Variants in PCDHAC2 observed in about 807,000 individuals in gnomAD.
PCDHAC2 encodes the protein protocadherin alpha-C2.
A neutral mutation model predicts 63.3 loss-of-function variants in PCDHAC2; 24 were observed. The ratio of observed to expected loss-of-function variants is 0.38; its 90% CI spans 0.27 to 0.53. PCDHAC2 has a LOEUF of 0.53. Ranked by LOEUF, PCDHAC2 falls within the 20% of genes least tolerant of loss-of-function variation. The pLI, the probability that PCDHAC2 is intolerant of heterozygous loss-of-function variation, is 0.81. For missense variants in PCDHAC2, 1,181 were observed against 1,275.2 expected (o/e 0.93, Z 1.12); for synonymous variants, 569 against 529.4 (o/e 1.07, Z -1.03).
At chr5:140,978,839 CT>C in intron 1 of PCDHAC2, 109 bp from the exon 2 acceptor site, 3 of 1,556,998 alleles carry the variant, frequency 1.9e-6, no homozygotes, top group Non-Finnish European at 2.6e-6. Context: ...TCATTCAATA[CT>C]TTTTTAGATG....
chr5:140,972,661 T>C, intron 1 of PCDHAC2, among the ~76,000 whole-genome samples: 1 of 48,668 alleles, frequency 2.1e-5, no homozygotes, highest in South Asian at 6.9e-4. Flanking sequence ...AGAAACCAAA[T>C]TTTTTTTTTT....
intron 3 of PCDHAC2, among the ~76,000 whole-genome samples, chr5:140,997,131 C>G (rs577407385): frequency 6.6e-6 from 1 of 152,008 alleles, no homozygotes; most frequent in Admixed American, 6.6e-5. Flanking sequence ...ACACAATGCC[C>G]CCACACCCCC....
chr5:140,966,742 G>T lies in PCDHAC2; in HGVS notation c.-25G>T. ...AAGCTGCCGCCTCCGGCCCTGCCCG[G>T]CTGCCTCCGCCGCGGCCAGTGGCTA... On this transcript the variant is annotated 5_prime_UTR_variant, in exon 1 of 4. Coordinates refer to ENST00000289269, the MANE Select transcript of PCDHAC2 (RefSeq NM_018899.6). 7.0e-7 allele frequency: 1 copy of T among 1,422,480 alleles called. No individual in the cohort carries two copies. Among genetic ancestry groups the T allele is most frequent in the African/African-American group, 1.5e-5 (1 of 67,432 alleles). 88.1% of individuals were successfully genotyped at this position (1,422,480 alleles called of 1,614,324 possible). A position where few individuals can be genotyped will look rare whatever the true frequency, so the allele number is the denominator to read the frequency against.
Position 141,012,283 on chromosome 5 carries a change from AT to A in PCDHAC2, c.*2350del, listed in dbSNP as rs1313163740. 6.5e-6 allele frequency: 1 copy of A among 153,798 alleles called. No homozygotes were observed. Among genetic ancestry groups the A allele is most frequent in the Non-Finnish European group, 1.5e-5 (1 of 68,046 alleles). The allele number at this position is 153,798 out of a possible 1,614,324, so 9.5% of individuals were successfully genotyped here. ...AGGATAAAACACGTCATGTGGATTC[AT>A]TTTGAATTGGTGCTATTGGTATTTC... On this transcript the variant is annotated 3_prime_UTR_variant, in exon 4 of 4. Coordinates refer to ENST00000289269, the MANE Select transcript of PCDHAC2 (RefSeq NM_018899.6).
rs147557274 is a variant in PCDHAC2, at chr5:140,967,369, G to A, written c.603G>A (p.Gln201=). Reference sequence around the variant, plus strand: ...TCGAGCTGGACCTTAAGCCCCTGCAGGAGAACAGTAAAGTGCTTGAGCTGG... The same window carrying A: ...TCGAGCTGGACCTTAAGCCCCTGCAAGAGAACAGTAAAGTGCTTGAGCTGG... ...EHFELDLKPL[Q]ENSKVLELVL... The change falls in exon 1 of 4, where the codon CAG becomes CAA. Residue 201 remains glutamine (Q), a synonymous_variant. Coordinates refer to ENST00000289269, the MANE Select transcript of PCDHAC2 (RefSeq NM_018899.6). 2.4e-5 allele frequency: 38 copies of A among 1,607,564 alleles called. No individual in the cohort carries two copies. The highest frequency in any genetic ancestry group is 2.9e-5 in the Non-Finnish European group (34 of 1,175,294).
chr5:140,998,423 T>C (rs1248330149), intron 3 of PCDHAC2, among the ~76,000 whole-genome samples: 1 of 152,248 alleles, frequency 6.6e-6, no homozygotes, highest in African/African-American at 2.4e-5. Context: ...ACCTGGTTTA[T>C]CCTTTAACAC....
At position 140,968,773 on chromosome 5, in the gene PCDHAC2, A is replaced by G. The variant is rs528972800; in HGVS notation, c.2007A>G (p.Ser669=). The G allele has an allele frequency of 4.3e-6, 7 of 1,614,206 alleles. No homozygotes were observed. The highest frequency in any genetic ancestry group is 5.1e-6 in the Non-Finnish European group (6 of 1,180,036). ...TGGTCCGAGATAATGGAGAGCCATCACTATCAGCCTCTGTGGCCATTACAG... is the reference window on the plus strand; with the variant it reads ...TGGTCCGAGATAATGGAGAGCCATCGCTATCAGCCTCTGTGGCCATTACAG... The part of the protein sequence containing the change: ...TVVVRDNGEP[S]LSASVAITVA... Residue 669 remains serine, a synonymous_variant, in exon 1 of 4, where the codon TCA becomes TCG. Coordinates refer to ENST00000289269, the MANE Select transcript of PCDHAC2 (RefSeq NM_018899.6).
In PCDHAC2 at chr5:140,967,085, C is replaced by T; in HGVS notation, c.319C>T (p.Arg107Trp). ...GALFVNERID[R>W]EALCEQRPRC... Reference sequence around the variant, plus strand: ...GCTCTTCGTCAACGAGCGCATTGATCGGGAGGCGCTGTGTGAGCAGCGGCC... The same window carrying T: ...GCTCTTCGTCAACGAGCGCATTGATTGGGAGGCGCTGTGTGAGCAGCGGCC... Residue 107 changes from arginine (R) to tryptophan (W), a missense_variant, in exon 1 of 4, where the codon CGG becomes TGG. Transcript: ENST00000289269. 1 of 1,613,198 alleles carries T rather than the reference C, an allele frequency of 6.2e-7. No individual in the cohort carries two copies. The highest frequency in any genetic ancestry group is 8.5e-7 in the Non-Finnish European group (1 of 1,179,738).
intron 2 of PCDHAC2, among the ~76,000 whole-genome samples, chr5:140,980,790 T>G (rs557225636): frequency 5.3e-4 from 80 of 152,312 alleles, no homozygotes; most frequent in African/African-American, 1.9e-3. Flanking sequence ...TGCCATTTCT[T>G]TTTTGCATTG....
intron 1 of PCDHAC2, among the ~76,000 whole-genome samples, chr5:140,977,051 G>T (rs2096743579): frequency 6.6e-6 from 1 of 152,178 alleles, no homozygotes; most frequent in South Asian, 2.1e-4. Flanking sequence ...GTTGCTGATG[G>T]ACTAGTATAG....
chr5:140,968,942 T>C lies in PCDHAC2; in HGVS notation c.2176T>C (p.Leu726=), dbSNP rs782129541. 1.2e-6 allele frequency: 2 copies of C among 1,614,214 alleles called. No homozygotes were observed. The highest frequency in any genetic ancestry group is 2.2e-5 in the South Asian group (2 of 91,078). ...TATATTTCTTTTGACAATCATCATT[T>C]TGAGCATCATCAAGTGCTACCGCTA... ...SFIFLLTIII[L]SIIKCYRYTA... The change falls in exon 1 of 4, where the codon TTG becomes CTG. Residue 726 remains leucine, a synonymous_variant. Transcript: ENST00000289269.
intron 3 of PCDHAC2, among the ~76,000 whole-genome samples, chr5:141,005,068 A>C (rs1314916800): frequency 6.6e-6 from 1 of 152,256 alleles, no homozygotes. Flanking sequence ...GCATTGTGCT[A>C]AGGATCAAGC....
chr5:140,972,583 T>G (rs1445659828), intron 1 of PCDHAC2, among the ~76,000 whole-genome samples: 1 of 152,088 alleles, frequency 6.6e-6, no homozygotes, highest in African/African-American at 2.4e-5. Flanking sequence ...TAGGGCAGAA[T>G]TTCTCTTTGG....
chr5:140,983,719 A>C (rs1417350764), intron 3 of PCDHAC2, among the ~76,000 whole-genome samples: 1 of 152,256 alleles, frequency 6.6e-6, no homozygotes, highest in African/African-American at 2.4e-5. Context: ...TAGCACTTAT[A>C]TTCATAACAT....
chr5:140,971,922 G>A (rs1433994919), intron 1 of PCDHAC2, among the ~76,000 whole-genome samples: 1 of 152,120 alleles, frequency 6.6e-6, no homozygotes, highest in Admixed American at 6.5e-5. Context: ...CACACTGCTA[G>A]TGTTATTTTA....
rs2098421094 is a variant in PCDHAC2 at position 141,011,574 on chromosome 5, TAAATC to T, written c.*1640_*1644del. ...GAAAGACACAGTAAAATTTCTTTCT[TAAATC>T]AAGATACTGGTGATTCAAGGAATTT... On this transcript the variant is annotated 3_prime_UTR_variant, in exon 4 of 4. Transcript: ENST00000289269. 1.3e-5 allele frequency: 2 copies of T among 153,802 alleles called. No individual in the cohort carries two copies. 9.5% of individuals were successfully genotyped at this position (153,802 alleles called of 1,614,324 possible).
At position 140,968,587 on chromosome 5, in the gene PCDHAC2, C is replaced by T. The variant is rs1554230892; in HGVS notation, c.1821C>T (p.Val607=). ...TAPAGYLVTK[V]IAMDSDSGQN... The stretch of plus-strand genomic sequence containing the variant: ...CTGCTGGCTACCTGGTCACCAAAGT[C>T]ATAGCTATGGACTCAGACTCTGGGC... Residue 607 remains valine, a synonymous_variant, in exon 1 of 4, where the codon GTC becomes GTT. Transcript: ENST00000289269. The T allele has an allele frequency of 5.0e-6, 8 of 1,614,196 alleles. No homozygotes were observed. The highest frequency in any genetic ancestry group is 6.8e-6 in the Non-Finnish European group (8 of 1,180,038).
rs2098418669 is a variant in PCDHAC2 at position 141,010,882 on chromosome 5, G to C, written c.*945G>C. On this transcript the variant is annotated 3_prime_UTR_variant, in exon 4 of 4. Transcript: ENST00000289269. ...GTCTATAGCTATAAATCTTTAAAGAGAAATATGAATACAATTCCCCTAAAC... is the reference window on the plus strand; with the variant it reads ...GTCTATAGCTATAAATCTTTAAAGACAAATATGAATACAATTCCCCTAAAC... The C allele has an allele frequency of 6.5e-6, 1 of 153,674 alleles. No homozygotes were observed. The allele number at this position is 153,674 out of a possible 1,614,324, so 9.5% of individuals were successfully genotyped here.
intron 1 of PCDHAC2, among the ~76,000 whole-genome samples, chr5:140,975,398 TCA>T (rs1554236785): frequency 1.3e-4 from 20 of 152,270 alleles, no homozygotes. Flanking sequence ...TCCATCACAA[TCA>T]CAGTCTTGGA....
Sources: gnomAD v4.1 joint callset for allele counts (sites outside exome capture counted in the v4.1 genomes callset) on GRCh38, gnomAD v4.1.1 for gene constraint, MANE v1.5 for transcripts, NCBI Gene and HGNC (gene_info 2026-07-23, HGNC 2026-07-21) for gene names.